MECOM: variants seen among roughly 807,000 people sequenced by gnomAD.
MECOM encodes the protein MDS1 and EVI1 complex locus.
In MECOM, 13 loss-of-function variants were observed where a neutral mutation model predicts 116.3. The ratio of observed to expected loss-of-function variants is 0.11; its 90% CI spans 0.07 to 0.18. The LOEUF (loss-of-function observed/expected upper bound fraction) is 0.18, where lower values mean the gene tolerates loss of function less well. MECOM is among the 10% of genes least tolerant of loss of function. The pLI, the probability that MECOM is intolerant of heterozygous loss-of-function variation, is 1.00. For synonymous variants in MECOM, 528 were observed against 535.2 expected (o/e 0.99, Z 0.19); for missense variants, 1,299 against 1,509.0 (o/e 0.86, Z 2.31).
At position 169,155,286 on chromosome 3, in the gene MECOM, A is replaced by T. The variant is rs561734860; in HGVS notation, c.376-11454T>A. The stretch of plus-strand genomic sequence containing the variant: ...CTGCTGCCTCTCCAGATAGCACAAT[A>T]TTGCCATACTTGCCTTACCCCATGT... On this transcript the variant is annotated intron_variant, in intron 2 of 16. Coordinates refer to ENST00000651503, the MANE Select transcript of MECOM (RefSeq NM_004991.4). Among the ~76,000 whole-genome samples, 10 of 152,260 alleles carry T rather than the reference A, an allele frequency of 6.6e-5. 1 individual carries two copies. The highest frequency in any genetic ancestry group is 2.4e-4 in the African/African-American group (10 of 41,556).
At chr3:169,275,807 A>G (rs889260989) in intron 2 of MECOM, among the ~76,000 whole-genome samples, 3 of 152,208 alleles carry the variant, frequency 2.0e-5, no homozygotes, top group African/African-American at 7.2e-5. Context: ...CTAACAAGTA[A>G]AGTTGTAATA....
intron 2 of MECOM, among the ~76,000 whole-genome samples, chr3:169,306,939 A>G (rs562187599): frequency 6.6e-6 from 1 of 152,304 alleles, no homozygotes; most frequent in Admixed American, 6.5e-5. Context: ...CCAAACTCTT[A>G]TCTCCAACCC....
At chr3:169,320,563 A>G (rs759627826) in intron 2 of MECOM, among the ~76,000 whole-genome samples, 13 of 152,098 alleles carry the variant, frequency 8.5e-5, no homozygotes, top group Admixed American at 2.0e-4. Flanking sequence ...CTTACAATTT[A>G]GTGCACTGAT....
intron 2 of MECOM, among the ~76,000 whole-genome samples, chr3:169,322,879 T>C (rs1260135424): frequency 6.8e-6 from 1 of 147,486 alleles, no homozygotes; most frequent in Non-Finnish European, 1.5e-5. Flanking sequence ...ACACCTGTAA[T>C]CCCAGCTACG....
intron 2 of MECOM, among the ~76,000 whole-genome samples, chr3:169,322,281 C>A (rs1720993559): frequency 6.6e-6 from 1 of 152,094 alleles, no homozygotes; most frequent in Non-Finnish European, 1.5e-5. Context: ...TGTGATGGAA[C>A]CTGCCAATAG....
chr3:169,514,406 C>T (rs540635249), intron 1 of MECOM, among the ~76,000 whole-genome samples: 3 of 152,096 alleles, frequency 2.0e-5, no homozygotes, highest in African/African-American at 7.2e-5. Context: ...CAGAGGGAGT[C>T]GGCGACTAAA....
At chr3:169,575,851 G>A (rs538029136) in intron 1 of MECOM, among the ~76,000 whole-genome samples, 1 of 151,826 alleles carries the variant, frequency 6.6e-6, no homozygotes, top group South Asian at 2.1e-4. Flanking sequence ...AAACCTCTCT[G>A]GACAGGTTCC....
intron 1 of MECOM, chr3:169,472,870 T>C (rs1250518070): frequency 7.1e-6 from 4 of 560,696 alleles, no homozygotes; most frequent in Non-Finnish European, 6.8e-6. Flanking sequence ...AAGGTCTTAA[T>C]GACTGCTTAC....
intron 2 of MECOM, among the ~76,000 whole-genome samples, chr3:169,194,845 C>T (rs1481703874): frequency 6.6e-6 from 1 of 152,022 alleles, no homozygotes; most frequent in Non-Finnish European, 1.5e-5. Context: ...TAAAAACATA[C>T]ATAATTACAC....
At chr3:169,469,743 A>C (rs1748898955) in intron 1 of MECOM, among the ~76,000 whole-genome samples, 1 of 152,222 alleles carries the variant, frequency 6.6e-6, no homozygotes. Context: ...TGAAATAGAC[A>C]AAGTGGGTAA....
intron 2 of MECOM, among the ~76,000 whole-genome samples, chr3:169,172,035 T>C (rs1381777598): frequency 6.6e-6 from 1 of 152,048 alleles, no homozygotes; most frequent in Non-Finnish European, 1.5e-5. Context: ...AAACAGGCAA[T>C]ACTGATGTAG....
At chr3:169,276,423 C>T (rs144314424) in intron 2 of MECOM, among the ~76,000 whole-genome samples, 2 of 151,818 alleles carry the variant, frequency 1.3e-5, no homozygotes, top group East Asian at 1.9e-4. Context: ...CACGGTGGCG[C>T]GTGCCTGTTT....
chr3:169,206,139 T>C (rs1749890152), intron 2 of MECOM, among the ~76,000 whole-genome samples: 1 of 152,150 alleles, frequency 6.6e-6, no homozygotes, highest in Non-Finnish European at 1.5e-5. Flanking sequence ...GAATATCTTG[T>C]CCAGGAATCC....
intron 2 of MECOM, among the ~76,000 whole-genome samples, chr3:169,341,775 G>A (rs923830759): frequency 6.7e-6 from 1 of 149,858 alleles, no homozygotes; most frequent in Admixed American, 6.7e-5. Context: ...AAAACCTACT[G>A]TTTGATAGCA....
intron 2 of MECOM, among the ~76,000 whole-genome samples, chr3:169,173,531 T>C (rs1744743264): frequency 2.0e-5 from 3 of 152,210 alleles, no homozygotes; most frequent in Non-Finnish European, 4.4e-5. Context: ...GTTCACTCTC[T>C]TTCTCTGGCT....
At chr3:169,481,136 CAAGTT>C (rs1276145503) in intron 1 of MECOM, among the ~76,000 whole-genome samples, 3 of 151,992 alleles carry the variant, frequency 2.0e-5, no homozygotes, top group Non-Finnish European at 4.4e-5. Context: ...GTTAAAAAAA[CAAGTT>C]AAGAAGTTTT....
chr3:169,109,659 G>A (rs990107014), intron 9 of MECOM, among the ~76,000 whole-genome samples: 8 of 151,982 alleles, frequency 5.3e-5, no homozygotes, highest in East Asian at 1.9e-4. Context: ...TAGGTGATCC[G>A]CCCGCCTCGG....
intron 1 of MECOM, among the ~76,000 whole-genome samples, chr3:169,402,762 G>C (rs79009143): frequency 0.026 from 3,915 of 152,184 alleles, 119 homozygotes; most frequent in African/African-American, 0.07. Context: ...GACATTAGTA[G>C]CTGTGCCTTT....
intron 2 of MECOM, among the ~76,000 whole-genome samples, chr3:169,224,393 G>A (rs543794390): frequency 3.9e-5 from 6 of 152,304 alleles, no homozygotes; most frequent in Admixed American, 1.3e-4. Context: ...CCAACACAAC[G>A]TAAACCCAAA....
Sources: allele counts gnomAD v4.1 joint callset (sites outside exome capture counted in the v4.1 genomes callset), GRCh38; gene constraint gnomAD v4.1.1; transcripts MANE v1.5; gene names NCBI Gene and HGNC (gene_info 2026-07-23, HGNC 2026-07-21).